ST8SIA5: variants seen among roughly 807,000 people sequenced by gnomAD.
ST8SIA5 encodes the protein ST8 alpha-N-acetyl-neuraminide alpha-2,8-sialyltransferase 5.
ST8SIA5 carries 24 observed loss-of-function variants against 40.2 expected under a neutral mutation model. The ratio of observed to expected loss-of-function variants is 0.60; its 90% CI spans 0.43 to 0.84. The LOEUF is 0.84. ST8SIA5 is among the 40% of genes least tolerant of loss of function. The pLI is 0.00. For synonymous variants in ST8SIA5, 198 were observed against 201.8 expected, an observed-to-expected ratio of 0.98 and a Z score of 0.16; for missense variants, 465 against 498.5, an observed-to-expected ratio of 0.93 and a Z score of 0.64.
At position 46,756,386 on chromosome 18, in the gene ST8SIA5, G is replaced by A. The variant is rs369461751; in HGVS notation, c.123C>T (p.Tyr41=). 1.2e-6 allele frequency: 2 copies of A among 1,612,540 alleles called. No homozygotes were observed. The highest frequency in any genetic ancestry group is 1.3e-5 in the African/African-American group (1 of 74,928). ...TCAATGGACTTTCTTACCTCTTAAT[G>A]TAGTTCCTGCCATACAGGATCTGTT... ...LLQQILYGRN[Y]IKRYFEFYEG... is the part of the protein sequence containing the mutation. Residue 41 remains tyrosine (Y), a synonymous_variant, in exon 1 of 7, where the codon TAC becomes TAT. Coordinates refer to ENST00000315087, the MANE Select transcript of ST8SIA5 (RefSeq NM_013305.6).
chr18:46,682,919 T>C (rs1318537947), intron 5 of ST8SIA5, among the ~76,000 whole-genome samples: 1 of 152,184 alleles, frequency 6.6e-6, no homozygotes, highest in African/African-American at 2.4e-5. Flanking sequence ...CCTGAGAGCC[T>C]CCAGAAAGGA....
In ST8SIA5 at chr18:46,670,648, G is replaced by C. The variant is rs1022002925; in HGVS notation, c.*9394C>G. The C allele has an allele frequency of 4.6e-5, 7 of 152,070 alleles. No homozygotes were observed. Among genetic ancestry groups the C allele is most frequent in the African/African-American group, 1.7e-4 (7 of 41,412 alleles). 9.4% of individuals were successfully genotyped at this position (152,070 alleles called of 1,614,324 possible). On this transcript the variant is annotated 3_prime_UTR_variant, in exon 7 of 7. Transcript: ENST00000315087. ...GGGTTTTGCCATGTTGCCCAGGTTG[G>C]TCGTCAACTCTTGAGCTCAAGCGAT... is the stretch of plus-strand genomic sequence containing the variant.
chr18:46,738,585 C>T (rs8098387), intron 1 of ST8SIA5, among the ~76,000 whole-genome samples: 11,139 of 152,206 alleles, frequency 0.073, 749 homozygotes, highest in East Asian at 0.31. Flanking sequence ...GAGAAACTTG[C>T]TCTGACCAGC....
intron 1 of ST8SIA5, among the ~76,000 whole-genome samples, chr18:46,721,926 G>A (rs1234821570): frequency 3.9e-5 from 6 of 152,122 alleles, no homozygotes; most frequent in African/African-American, 7.2e-5. Flanking sequence ...GGTTCAAGAC[G>A]TGCACTCAGC....
rs2039346542 is a variant in ST8SIA5 at position 46,677,327 on chromosome 18, A to ATTGGGTGCCGTTCCCTCCG, written c.*2714_*2715insCGGAGGGAACGGCACCCAA. On this transcript the variant is annotated 3_prime_UTR_variant, in exon 7 of 7. Coordinates refer to ENST00000315087, the MANE Select transcript of ST8SIA5 (RefSeq NM_013305.6). ...CCCTCCATTGGGTGCCGTTCCCTCC[A>ATTGGGTGCCGTTCCCTCCG]TTGGGTGCCTGACCAAGGGCAAGTC... 2 of 151,768 alleles carry ATTGGGTGCCGTTCCCTCCG rather than the reference A, an allele frequency of 1.3e-5. No homozygotes were observed. Among genetic ancestry groups the ATTGGGTGCCGTTCCCTCCG allele is most frequent in the African/African-American group, 4.9e-5 (2 of 41,056 alleles). 9.4% of individuals were successfully genotyped at this position (151,768 alleles called of 1,614,324 possible). A position where few individuals can be genotyped will look rare whatever the true frequency, so the allele number is the denominator to read the frequency against.
chr18:46,725,969 AAAAAT>A (rs1453138900), intron 1 of ST8SIA5, among the ~76,000 whole-genome samples: 2 of 45,622 alleles, frequency 4.4e-5, no homozygotes, highest in Non-Finnish European at 7.1e-5. Flanking sequence ...TAAAAAAAAA[AAAAAT>A]ATATATATAT....
intron 2 of ST8SIA5, among the ~76,000 whole-genome samples, chr18:46,693,785 C>T (rs1290911811): frequency 6.6e-6 from 1 of 152,164 alleles, no homozygotes; most frequent in Non-Finnish European, 1.5e-5. Flanking sequence ...CTCAAATAGT[C>T]GCTCACCCTT....
intron 6 of ST8SIA5, 56 bp downstream of exon 6, chr18:46,681,916 A>G (rs1418466148): frequency 1.1e-5 from 17 of 1,570,034 alleles, no homozygotes; most frequent in African/African-American, 1.3e-5. Flanking sequence ...CAGTAGCCGC[A>G]TGTGACTATT....
chr18:46,746,231 A>T (rs970574437), intron 1 of ST8SIA5, among the ~76,000 whole-genome samples: 1 of 152,220 alleles, frequency 6.6e-6, no homozygotes, highest in Non-Finnish European at 1.5e-5. Flanking sequence ...TTCAGGCAAG[A>T]GAAAGAAATA....
intron 1 of ST8SIA5, among the ~76,000 whole-genome samples, chr18:46,724,989 G>GGAAGGAAGGA (rs1174993307): frequency 1.0e-3 from 101 of 99,730 alleles, no homozygotes; most frequent in Non-Finnish European, 1.5e-3. Flanking sequence ...GAAAGAGAGA[G>GGAAGGAAGGA]AGGAAGGAAG....
At position 46,673,255 on chromosome 18, in the gene ST8SIA5, G is replaced by C. The variant is rs941086961; in HGVS notation, c.*6787C>G. 1 of 152,142 alleles carries C rather than the reference G, an allele frequency of 6.6e-6. No homozygotes were observed. Among genetic ancestry groups the C allele is most frequent in the African/African-American group, 2.4e-5 (1 of 41,434 alleles). The allele number at this position is 152,142 out of a possible 1,614,324, so 9.4% of individuals were successfully genotyped here. ...TTTTACCATAATTACAAATGAAAAAGAAATCTTTGTTTGTGTTAAAGCAAA... is the reference window on the plus strand; with the variant it reads ...TTTTACCATAATTACAAATGAAAAACAAATCTTTGTTTGTGTTAAAGCAAA... On this transcript the variant is annotated 3_prime_UTR_variant, in exon 7 of 7. Coordinates refer to ENST00000315087, the MANE Select transcript of ST8SIA5 (RefSeq NM_013305.6).
At chr18:46,716,493 C>G (rs995112354) in intron 1 of ST8SIA5, among the ~76,000 whole-genome samples, 9 of 152,204 alleles carry the variant, frequency 5.9e-5, no homozygotes, top group African/African-American at 2.2e-4. Flanking sequence ...CAGCCCCGCT[C>G]CGGACCTCAG....
At chr18:46,716,185 G>A (rs967194174) in intron 1 of ST8SIA5, among the ~76,000 whole-genome samples, 1 of 152,090 alleles carries the variant, frequency 6.6e-6, no homozygotes, top group Non-Finnish European at 1.5e-5. Flanking sequence ...TAATCTTTTG[G>A]TGACTAAATT....
chr18:46,721,840 C>G (rs2039867214), intron 1 of ST8SIA5, among the ~76,000 whole-genome samples: 1 of 152,208 alleles, frequency 6.6e-6, no homozygotes, highest in Admixed American at 6.5e-5. Flanking sequence ...CACATTTTGT[C>G]CTCCTCAAAA....
At chr18:46,716,505 GAC>G (rs1214540979) in intron 1 of ST8SIA5, among the ~76,000 whole-genome samples, 2 of 152,214 alleles carry the variant, frequency 1.3e-5, no homozygotes, top group Non-Finnish European at 2.9e-5. Flanking sequence ...GGACCTCAGA[GAC>G]AAGTGTCTCC....
chr18:46,723,805 A>G (rs1280914692), intron 1 of ST8SIA5, among the ~76,000 whole-genome samples: 1 of 152,110 alleles, frequency 6.6e-6, no homozygotes, highest in Non-Finnish European at 1.5e-5. Flanking sequence ...AGGTGCCTGT[A>G]ATCCCAGCTA....
intron 1 of ST8SIA5, among the ~76,000 whole-genome samples, chr18:46,715,914 G>T (rs1338326395): frequency 6.6e-6 from 1 of 152,000 alleles, no homozygotes; most frequent in Non-Finnish European, 1.5e-5. Flanking sequence ...AATCAATATG[G>T]CCTTTTTATT....
In ST8SIA5 at chr18:46,686,209, G is replaced by T. The variant is rs143784819; in HGVS notation, c.534C>A (p.Cys178Ter). Residue 178 changes from cysteine to a stop codon, truncating the protein, a stop_gained, in exon 5 of 7, where the codon TGC becomes TGA. Coordinates refer to ENST00000315087, the MANE Select transcript of ST8SIA5 (RefSeq NM_013305.6). LOFTEE classifies it high-confidence loss of function. The part of the protein sequence containing the change: ...GNGGILKNSR[C>*]GREINSADFV... The stretch of plus-strand genomic sequence containing the variant: ...AGTCGGCGCTGTTGATCTCCCTCCC[G>T]CAGCGGCTGTTCTTCAAGATGCCTC... 98 of 1,614,040 alleles carry T rather than the reference G, an allele frequency of 6.1e-5. No individual in the cohort carries two copies. The highest frequency in any genetic ancestry group is 1.0e-4 in the Admixed American group (6 of 60,004).
intron 1 of ST8SIA5, among the ~76,000 whole-genome samples, chr18:46,724,921 G>T (rs2039898819): frequency 6.6e-6 from 1 of 151,492 alleles, no homozygotes; most frequent in South Asian, 2.1e-4. Context: ...ATTGCAGTGA[G>T]GAGAGATCAT....
Sources: gnomAD v4.1 joint callset for allele counts (sites outside exome capture counted in the v4.1 genomes callset) on GRCh38, gnomAD v4.1.1 for gene constraint, MANE v1.5 for transcripts, NCBI Gene and HGNC (gene_info 2026-07-23, HGNC 2026-07-21) for gene names.